HTR3D: variants seen among roughly 807,000 people sequenced by gnomAD.
HTR3D encodes the protein 5-hydroxytryptamine (serotonin) receptor 3 family member D.
HTR3D carries 47 observed loss-of-function variants against 45.8 expected under a neutral mutation model. The ratio of observed to expected loss-of-function variants is 1.03; its 90% CI spans 0.81 to 1.31. The LOEUF is 1.31. HTR3D is among the 50% of genes most tolerant of loss of function. HTR3D has a pLI of 0.00. For missense variants in HTR3D, 448 were observed against 506.9 expected (o/e 0.88, Z 1.12); for synonymous variants, 203 against 199.8 (o/e 1.02, Z -0.13).
intron 1 of HTR3D, among the ~76,000 whole-genome samples, chr3:184,033,668 G>A (rs981058444): frequency 5.9e-5 from 9 of 152,104 alleles, no homozygotes; most frequent in Admixed American, 2.6e-4. Context: ...TGTAATCTCA[G>A]CACTTTGGGA....
At position 184,037,013 on chromosome 3, in the gene HTR3D, C is replaced by A. The variant is rs544860750; in HGVS notation, c.516+117C>A. 86 of 905,188 alleles carry A rather than the reference C, an allele frequency of 9.5e-5. No homozygotes were observed. In the African/African-American group the frequency reaches 1.4e-3, roughly 14 times the overall value. The allele number at this position is 905,188 out of a possible 1,614,324, so 56.1% of individuals were successfully genotyped here. A position where few individuals can be genotyped will look rare whatever the true frequency, so the allele number is the denominator to read the frequency against. On this transcript the variant is annotated intron_variant, in intron 5 of 7. Coordinates refer to ENST00000428798, the MANE Select transcript of HTR3D (RefSeq NM_001145143.1). ...AAAGTGCTGGGATTACGGGCGTGAA[C>A]CACGAAGCCCGGCCTTTGTCACTCT...
intron 1 of HTR3D, chr3:184,032,877 A>G: frequency 6.4e-7 from 1 of 1,551,918 alleles, no homozygotes. Context: ...CTCCTCTCTC[A>G]GTCTCTGCTC....
chr3:184,035,232 A>C lies in HTR3D; in HGVS notation c.111+10A>C. On this transcript the variant is annotated intron_variant, in intron 2 of 7. Coordinates refer to ENST00000428798, the MANE Select transcript of HTR3D (RefSeq NM_001145143.1). ...CCTGTGGCTAAATATGGTATGACAG[A>C]CTCAGTTTCCCCTTTCCTCTACTCT... 6.4e-7 allele frequency: 1 copy of C among 1,551,736 alleles called. No individual in the cohort carries two copies. Among genetic ancestry groups the C allele is most frequent in the Non-Finnish European group, 8.7e-7 (1 of 1,146,726 alleles).
At chr3:184,037,146 T>G (rs1722930843) in intron 5 of HTR3D, among the ~76,000 whole-genome samples, 1 of 152,032 alleles carries the variant, frequency 6.6e-6, no homozygotes, top group Non-Finnish European at 1.5e-5. Flanking sequence ...TTCAAGTGAT[T>G]CTCCTGCTTC....
chr3:184,031,737 G>T, upstream of HTR3D: 1 of 1,550,084 alleles, frequency 6.5e-7, no homozygotes, highest in Non-Finnish European at 8.7e-7. Context: ...GCCAAAGAGA[G>T]GAAGATGGAA....
At position 184,036,560 on chromosome 3, in the gene HTR3D, G is replaced by T; in HGVS notation, c.367+16G>T. 1 of 1,613,944 alleles carries T rather than the reference G, an allele frequency of 6.2e-7. No individual in the cohort carries two copies. The highest frequency in any genetic ancestry group is 8.5e-7 in the Non-Finnish European group (1 of 1,179,848). On this transcript the variant is annotated intron_variant, in intron 4 of 7. Transcript: ENST00000428798. ...ACACAGGTAAGTGGGGCTCACTAAA[G>T]TAGACTGTTGAGAGGCAGAGAAAGG...
rs756963003 is a variant in HTR3D at position 184,036,700 on chromosome 3, T to C, written c.368-48T>C. Reference sequence around the variant, plus strand: ...GTCTGGGCAAGGGACTTGGGCGCATTTGGGGAGGCTGAGTCTTCTGGGCCT... The same window carrying C: ...GTCTGGGCAAGGGACTTGGGCGCATCTGGGGAGGCTGAGTCTTCTGGGCCT... On this transcript the variant is annotated intron_variant, in intron 4 of 7. Transcript: ENST00000428798. 16 of 1,553,938 alleles carry C rather than the reference T, an allele frequency of 1.0e-5. No individual in the cohort carries two copies. In the African/African-American group the frequency reaches 1.4e-4, roughly 13 times the overall value.
chr3:184,039,158 C>A lies in HTR3D; in HGVS notation c.*183C>A. 1.6e-6 allele frequency: 1 copy of A among 644,964 alleles called. No individual in the cohort carries two copies. Among genetic ancestry groups the A allele is most frequent in the Non-Finnish European group, 2.6e-6 (1 of 380,906 alleles). The allele number at this position is 644,964 out of a possible 1,614,324, so 40.0% of individuals were successfully genotyped here. A position where few individuals can be genotyped will look rare whatever the true frequency, so the allele number is the denominator to read the frequency against. ...CCCTCCAAAAGTCGGGTCCTTGCTC[C>A]TGCATGCCATCAGCCCCACTCAGCC... On this transcript the variant is annotated 3_prime_UTR_variant, in exon 8 of 8. Transcript: ENST00000428798.
In HTR3D at chr3:184,038,728, G is replaced by A; in HGVS notation, c.986-18G>A. 1.9e-6 allele frequency: 3 copies of A among 1,571,902 alleles called. No individual in the cohort carries two copies. Among genetic ancestry groups the A allele is most frequent in the Non-Finnish European group, 2.6e-6 (3 of 1,157,456 alleles). On this transcript the variant is annotated intron_variant, in intron 7 of 7. Coordinates refer to ENST00000428798, the MANE Select transcript of HTR3D (RefSeq NM_001145143.1). The surrounding 1 kb of genome is among the most constrained non-coding windows in gnomAD (Gnocchi z 4.5). ...GGTGACATTTGCAGCCCATGGCTGAGTCTCTGTCTTTCTGTAGGTGTGAAG... is the reference window on the plus strand; with the variant it reads ...GGTGACATTTGCAGCCCATGGCTGAATCTCTGTCTTTCTGTAGGTGTGAAG...
Position 184,036,540 on chromosome 3 carries a change from G to C in HTR3D, c.363G>C (p.Gln121His), listed in dbSNP as rs771261774. 2.2e-5 allele frequency: 35 copies of C among 1,614,080 alleles called. No homozygotes were observed. The highest frequency in any genetic ancestry group is 3.0e-5 in the Non-Finnish European group (35 of 1,180,034). ...ERSPSALSPTQVTRAWRRMSR... is the reference protein window; with the variant it reads ...ERSPSALSPTHVTRAWRRMSR... ...CTCCTTCAGCCCTTTCACCTACACA[G>C]GTAAGTGGGGCTCACTAAAGTAGAC... Residue 121 changes from glutamine (Q) to histidine (H), a missense_variant, in exon 4 of 8, where the codon CAG becomes CAC. Coordinates refer to ENST00000428798, the MANE Select transcript of HTR3D (RefSeq NM_001145143.1).
At position 184,031,793 on chromosome 3, in the gene HTR3D, C is replaced by T; in HGVS notation, c.52C>T (p.His18Tyr). Residue 18 changes from histidine to tyrosine, a missense_variant, in exon 1 of 8, where the codon CAC becomes TAC. Transcript: ENST00000428798. ...GKGFLLGFIL[H>Y]LLLQDSHLQL... ...AGGATTCCTCCTTGGCTTCATCCTC[C>T]ACCTGCTGCTGCAAGTACCTTAAGA... The T allele has an allele frequency of 6.4e-7, 1 of 1,551,174 alleles. No homozygotes were observed. The highest frequency in any genetic ancestry group is 1.2e-5 in the South Asian group (1 of 84,054).
chr3:184,034,565 G>A (rs4348040), intron 1 of HTR3D, among the ~76,000 whole-genome samples: 84,496 of 150,398 alleles, frequency 0.56, 24,036 homozygotes, highest in East Asian at 0.7. Flanking sequence ...AAATGGTTAA[G>A]AGAGTACATT....
intron 1 of HTR3D, among the ~76,000 whole-genome samples, chr3:184,033,961 G>A (rs552629202): frequency 5.3e-5 from 8 of 152,092 alleles, no homozygotes; most frequent in Non-Finnish European, 1.2e-4. Context: ...AAAATAACAA[G>A]TGTTGGTGAT....
At position 184,037,249 on chromosome 3, in the gene HTR3D, A is replaced by C. The variant is rs971918644; in HGVS notation, c.516+353A>C. 3.3e-5 allele frequency among the ~76,000 whole-genome samples: 5 copies of C among 151,274 alleles called. No individual in the cohort carries two copies. In the East Asian group the frequency reaches 9.8e-4, roughly 30 times the overall value. The stretch of plus-strand genomic sequence containing the variant: ...GAGATGGGGTTTCACCACGTTCACC[A>C]GGCCGGTCTCAAAGTCCTGAACTCA... On this transcript the variant is annotated intron_variant, in intron 5 of 7. Transcript: ENST00000428798.
intron 3 of HTR3D, 105 bp downstream of exon 3, chr3:184,036,205 C>G (rs951832020): frequency 4.0e-6 from 6 of 1,486,738 alleles, no homozygotes; most frequent in Admixed American, 2.4e-5. Context: ...AGAGCAGAGT[C>G]TGAATTGAAG....
chr3:184,038,710 T>C lies in HTR3D; in HGVS notation c.986-36T>C. 1 of 1,560,090 alleles carries C rather than the reference T, an allele frequency of 6.4e-7. No homozygotes were observed. Among genetic ancestry groups the C allele is most frequent in the Non-Finnish European group, 8.7e-7 (1 of 1,151,096 alleles). On this transcript the variant is annotated intron_variant, in intron 7 of 7. Coordinates refer to ENST00000428798, the MANE Select transcript of HTR3D (RefSeq NM_001145143.1). The surrounding 1 kb of genome is among the most constrained non-coding windows in gnomAD (Gnocchi z 4.5). ...TGTCTCCCTCCCTCCACAGGTGACA[T>C]TTGCAGCCCATGGCTGAGTCTCTGT...
chr3:184,038,072 G>A lies in HTR3D; in HGVS notation c.568G>A (p.Val190Met). 6.2e-7 allele frequency: 1 copy of A among 1,614,114 alleles called. No homozygotes were observed. The highest frequency in any genetic ancestry group is 8.5e-7 in the Non-Finnish European group (1 of 1,180,020). Reference protein sequence around the residue: ...RPSPYVVNFLVPSGILIAIDA... With the variant: ...RPSPYVVNFLMPSGILIAIDA... Reference sequence around the variant, plus strand: ...CAGCCCCTACGTGGTAAACTTTCTGGTGCCCAGTGGCATTCTGATTGCCAT... The same window carrying A: ...CAGCCCCTACGTGGTAAACTTTCTGATGCCCAGTGGCATTCTGATTGCCAT... Residue 190 changes from valine (V) to methionine (M), a missense_variant, in exon 6 of 8, where the codon GTG becomes ATG. Transcript: ENST00000428798. The surrounding 1 kb of genome is among the most constrained non-coding windows in gnomAD (Gnocchi z 4.5).
intron 1 of HTR3D, among the ~76,000 whole-genome samples, chr3:184,034,168 C>G (rs975681808): frequency 6.6e-6 from 1 of 151,632 alleles, no homozygotes; most frequent in Non-Finnish European, 1.5e-5. Flanking sequence ...AGCAGAATTA[C>G]TCACAATAGT....
In HTR3D at chr3:184,036,210, T is replaced by C. The variant is rs546094372; in HGVS notation, c.197+110T>C. ...AACTTAGAAAAGAGCAGAGTCTGAATTGAAGAGCTTACAAACCCCCAGAAT... is the reference window on the plus strand; with the variant it reads ...AACTTAGAAAAGAGCAGAGTCTGAACTGAAGAGCTTACAAACCCCCAGAAT... On this transcript the variant is annotated intron_variant, in intron 3 of 7. Transcript: ENST00000428798. 8.1e-6 allele frequency: 12 copies of C among 1,484,964 alleles called. No individual in the cohort carries two copies. The South Asian group carries it at 8.4e-5, about 10-fold the overall frequency. The allele number at this position is 1,484,964 out of a possible 1,614,324, so 92.0% of individuals were successfully genotyped here.
Sources: gnomAD v4.1 joint callset for allele counts (sites outside exome capture counted in the v4.1 genomes callset) on GRCh38, gnomAD v4.1.1 for gene constraint, Gnocchi (gnomAD v3.1) non-coding constraint, MANE v1.5 for transcripts, NCBI Gene and HGNC (gene_info 2026-07-23, HGNC 2026-07-21) for gene names.